BCL2: variants seen among roughly 807,000 people sequenced by gnomAD.
BCL2 encodes the protein BCL2 apoptosis regulator, also known as apoptosis regulator Bcl-2.
Under a neutral mutation model 14.2 loss-of-function variants are expected in BCL2, and 1 was observed. The observed-to-expected ratio is 0.07, with a 90% CI of 0.02 to 0.33. BCL2 has a LOEUF of 0.33. Among genes scored for constraint, BCL2 ranks in the 10% least tolerant of loss-of-function variants. The probability of loss-of-function intolerance (pLI) is 0.99; values close to 1 mark genes in which losing one functional copy is unlikely to be tolerated. For synonymous variants in BCL2, 151 were observed against 137.2 expected (o/e 1.10, Z -0.70); for missense variants, 247 against 305.9 (o/e 0.81, Z 1.44).
Position 63,123,394 on chromosome 18 carries a change from G to A in BCL2, c.*5231C>T, listed in dbSNP as rs566072775. On this transcript the variant is annotated 3_prime_UTR_variant, in exon 3 of 3. Transcript: ENST00000333681. ...TTTTCTTCACAATATTAACTAGACAGACAAGGAAAGTTTAATGGCAATGTG... is the reference window on the plus strand; with the variant it reads ...TTTTCTTCACAATATTAACTAGACAAACAAGGAAAGTTTAATGGCAATGTG... 1.5e-4 allele frequency: 29 copies of A among 193,446 alleles called. No individual in the cohort carries two copies. Among genetic ancestry groups the A allele is most frequent in the Non-Finnish European group, 2.8e-4 (26 of 92,746 alleles). 12.0% of individuals were successfully genotyped at this position (193,446 alleles called of 1,614,324 possible).
At chr18:63,137,110 C>T (rs1914227180) in intron 2 of BCL2, among the ~76,000 whole-genome samples, 1 of 152,224 alleles carries the variant, frequency 6.6e-6, no homozygotes, top group African/African-American at 2.4e-5. Context: ...AAATCTGTTG[C>T]TTCCATGCTT....
chr18:63,287,301 G>A (rs542020145), intron 2 of BCL2, among the ~76,000 whole-genome samples: 100 of 152,288 alleles, frequency 6.6e-4, no homozygotes, highest in African/African-American at 2.2e-3. Flanking sequence ...CAAGGAAACT[G>A]AAGCTTGGAG....
intron 2 of BCL2, among the ~76,000 whole-genome samples, chr18:63,216,186 A>G (rs1011671074): frequency 6.6e-6 from 1 of 152,076 alleles, no homozygotes; most frequent in Non-Finnish European, 1.5e-5. Flanking sequence ...TTTTTCTGCA[A>G]AAATTCTATC....
At chr18:63,249,016 C>T (rs964957226) in intron 2 of BCL2, among the ~76,000 whole-genome samples, 2 of 152,198 alleles carry the variant, frequency 1.3e-5, no homozygotes, top group Non-Finnish European at 2.9e-5. Flanking sequence ...AGAAATGCTT[C>T]CTACTATGAC....
chr18:63,213,565 C>A (rs1434904593), intron 2 of BCL2, among the ~76,000 whole-genome samples: 7 of 151,750 alleles, frequency 4.6e-5, no homozygotes, highest in African/African-American at 1.5e-4. Context: ...CACACACACA[C>A]ACACACACAC....
At chr18:63,259,771 G>C (rs1182554935) in intron 2 of BCL2, among the ~76,000 whole-genome samples, 2 of 152,220 alleles carry the variant, frequency 1.3e-5, no homozygotes, top group Admixed American at 6.5e-5. Flanking sequence ...CAATGAGAAA[G>C]CAAGTCACAA....
intron 2 of BCL2, among the ~76,000 whole-genome samples, chr18:63,193,127 C>A (rs979403288): frequency 6.6e-6 from 1 of 152,116 alleles, no homozygotes. Flanking sequence ...CATCAAATTG[C>A]TAATCTGGGG....
At chr18:63,157,352 C>T (rs548229798) in intron 2 of BCL2, among the ~76,000 whole-genome samples, 1 of 152,298 alleles carries the variant, frequency 6.6e-6, no homozygotes, top group Admixed American at 6.5e-5. Context: ...GATATGCCGC[C>T]CAGGAGGGTG....
At chr18:63,306,137 C>T (rs925978316) in intron 2 of BCL2, among the ~76,000 whole-genome samples, 8 of 152,194 alleles carry the variant, frequency 5.3e-5, no homozygotes, top group African/African-American at 1.9e-4. Flanking sequence ...ATAACCAGAA[C>T]AATGACCACA....
intron 2 of BCL2, among the ~76,000 whole-genome samples, chr18:63,233,790 G>A (rs968479071): frequency 1.3e-5 from 2 of 152,100 alleles, no homozygotes; most frequent in Non-Finnish European, 2.9e-5. Context: ...ATGTAACAGT[G>A]CAACTTCTAA....
At chr18:63,232,930 G>A (rs1415773204) in intron 2 of BCL2, among the ~76,000 whole-genome samples, 1 of 152,154 alleles carries the variant, frequency 6.6e-6, no homozygotes, top group African/African-American at 2.4e-5. Context: ...AGTCTTTTCA[G>A]GTTGCTATAA....
chr18:63,218,473 A>C (rs1396409385), intron 2 of BCL2, among the ~76,000 whole-genome samples: 1 of 152,076 alleles, frequency 6.6e-6, no homozygotes, highest in African/African-American at 2.4e-5. Context: ...TGTTCATTGA[A>C]TATCTCCTTT....
chr18:63,314,535 T>C (rs913098619), intron 2 of BCL2: 1 of 152,170 alleles, frequency 6.6e-6, no homozygotes, highest in Non-Finnish European at 1.5e-5. Flanking sequence ...TCTCCTACAA[T>C]CTCTTGTCTG....
chr18:63,195,487 A>C (rs565830334), intron 2 of BCL2, among the ~76,000 whole-genome samples: 5 of 152,336 alleles, frequency 3.3e-5, no homozygotes, highest in African/African-American at 1.2e-4. Context: ...CTTCAATAGC[A>C]ATCACTTGCA....
At chr18:63,275,450 A>C (rs1362395315) in intron 2 of BCL2, among the ~76,000 whole-genome samples, 1 of 152,084 alleles carries the variant, frequency 6.6e-6, no homozygotes, top group Non-Finnish European at 1.5e-5. Flanking sequence ...CAAACCTCTC[A>C]GTGGCCAAAG....
intron 2 of BCL2, among the ~76,000 whole-genome samples, chr18:63,247,511 G>T (rs1028644415): frequency 6.6e-6 from 1 of 151,906 alleles, no homozygotes; most frequent in African/African-American, 2.4e-5. Flanking sequence ...ATAGGATCTT[G>T]GTACTTCCTT....
At position 63,128,460 on chromosome 18, in the gene BCL2, T is replaced by TTGTTGTGTGTGTG. The variant is rs1347531703; in HGVS notation, c.*152_*164dup. The stretch of plus-strand genomic sequence containing the variant: ...CGACGTTTTGCCTGAAGACTGTTAA[T>TTGTTGTGTGTGTG]TGTTGTGTGTGTGTGTGTCTGTCTG... On this transcript the variant is annotated 3_prime_UTR_variant, in exon 3 of 3. Coordinates refer to ENST00000333681, the MANE Select transcript of BCL2 (RefSeq NM_000633.3). 6.1e-6 allele frequency: 3 copies of TTGTTGTGTGTGTG among 490,910 alleles called. No individual in the cohort carries two copies. Among genetic ancestry groups the TTGTTGTGTGTGTG allele is most frequent in the African/African-American group, 3.9e-5 (2 of 51,520 alleles). 30.4% of individuals were successfully genotyped at this position (490,910 alleles called of 1,614,324 possible).
chr18:63,198,343 C>T (rs1909515608), intron 2 of BCL2, among the ~76,000 whole-genome samples: 2 of 150,600 alleles, frequency 1.3e-5, no homozygotes, highest in Non-Finnish European at 3.0e-5. Flanking sequence ...CACACACAGA[C>T]ACAGAGACAC....
intron 2 of BCL2, among the ~76,000 whole-genome samples, chr18:63,249,019 A>C (rs1911229251): frequency 6.6e-6 from 1 of 152,218 alleles, no homozygotes; most frequent in Non-Finnish European, 1.5e-5. Context: ...AATGCTTCCT[A>C]CTATGACTAC....
Sources: allele counts gnomAD v4.1 joint callset (sites outside exome capture counted in the v4.1 genomes callset), GRCh38; gene constraint gnomAD v4.1.1; transcripts MANE v1.5; gene names NCBI Gene and HGNC (gene_info 2026-07-23, HGNC 2026-07-21).